FMO4: variants seen among roughly 807,000 people sequenced by gnomAD.
FMO4 encodes dimethylaniline monooxygenase [N-oxide-forming] 4.
A neutral mutation model predicts 43.3 loss-of-function variants in FMO4; 38 were observed. The ratio of observed to expected loss-of-function variants is 0.88; its 90% CI spans 0.68 to 1.15. The LOEUF is 1.15. Ranked by LOEUF, FMO4 falls within the 50% of genes most tolerant of loss-of-function variation. The probability of loss-of-function intolerance (pLI) is 0.00; values close to 1 mark genes in which losing one functional copy is unlikely to be tolerated. For missense variants in FMO4, 631 were observed against 663.3 expected (o/e 0.95, Z 0.54); for synonymous variants, 224 against 232.2 (o/e 0.96, Z 0.32).
At chr1:171,338,933 CTGAA>C (rs1216397527) in intron 9 of FMO4, among the ~76,000 whole-genome samples, 1 of 152,114 alleles carries the variant, frequency 6.6e-6, no homozygotes, top group Non-Finnish European at 1.5e-5. Flanking sequence ...TATTTACTCA[CTGAA>C]TGAATGAATG....
At position 171,340,598 on chromosome 1, in the gene FMO4, T is replaced by G. The variant is rs1055778146; in HGVS notation, c.1251-815T>G. On this transcript the variant is annotated intron_variant, in intron 9 of 9. Transcript: ENST00000367749. ...ATTTCCTGACTTGAGTGTTCCTTTTTAGATGTGAATTTTTATTTCTTTTTA... is the reference window on the plus strand; with the variant it reads ...ATTTCCTGACTTGAGTGTTCCTTTTGAGATGTGAATTTTTATTTCTTTTTA... 1.6e-4 allele frequency among the ~76,000 whole-genome samples: 24 copies of G among 152,186 alleles called. 1 individual carries two copies. Among genetic ancestry groups the G allele is most frequent in the Non-Finnish European group, 2.6e-4 (18 of 68,020 alleles).
rs1662958947 is a variant in FMO4 at position 171,332,810 on chromosome 1, T to C, written c.729T>C (p.Ile243=). ...TTACAAGAAGATGCTGTAGTTTTAT[T>C]GCACAAGTTCTGCCTTCACGTTTTC... ...MMVTRRCCSF[I]AQVLPSRFLN... The change falls in exon 7 of 10, where the codon ATT becomes ATC. Residue 243 remains isoleucine (I), a synonymous_variant. Coordinates refer to ENST00000367749, the MANE Select transcript of FMO4 (RefSeq NM_002022.3). The C allele has an allele frequency of 6.2e-7, 1 of 1,613,572 alleles. No individual in the cohort carries two copies. Among genetic ancestry groups the C allele is most frequent in the Non-Finnish European group, 8.5e-7 (1 of 1,179,560 alleles).
At chr1:171,325,816 CCTTTTTTTTTTTTTTTTTTTTTT>C (rs1662635438) in intron 5 of FMO4, among the ~76,000 whole-genome samples, 1 of 75,594 alleles carries the variant, frequency 1.3e-5, no homozygotes, top group African/African-American at 4.3e-5. Context: ...CATAGACTAT[CCTTTTTTTTTTTTTTTTTTTTTT>C]TTTTTTTTTT....
At chr1:171,337,728 AG>A (rs1287057793) in intron 9 of FMO4, among the ~76,000 whole-genome samples, 1 of 152,116 alleles carries the variant, frequency 6.6e-6, no homozygotes, top group Non-Finnish European at 1.5e-5. Context: ...CCTACCTCTC[AG>A]GCTGCTCTTT....
At chr1:171,323,329 C>T in intron 4 of FMO4, 137 bp downstream of exon 4, 2 of 623,160 alleles carry the variant, frequency 3.2e-6, no homozygotes, top group Non-Finnish European at 5.6e-6. Flanking sequence ...GGACTCCTCA[C>T]TTCCGCTGCT....
intron 2 of FMO4, among the ~76,000 whole-genome samples, chr1:171,318,577 A>C (rs973026273): frequency 1.3e-5 from 2 of 152,162 alleles, no homozygotes; most frequent in Non-Finnish European, 2.9e-5. Context: ...TCCTGGTTGA[A>C]CATCCCAAAT....
chr1:171,319,061 G>A (rs1014326991), intron 2 of FMO4, among the ~76,000 whole-genome samples: 1 of 152,202 alleles, frequency 6.6e-6, no homozygotes. Context: ...AGATTCAGGT[G>A]ACAGTCTTTT....
chr1:171,337,331 G>T lies in FMO4; in HGVS notation c.1181-25G>T, dbSNP rs74962957. 681 of 1,522,284 alleles carry T rather than the reference G, an allele frequency of 4.5e-4. 3 individuals carry two copies. In the East Asian group the frequency reaches 0.014, roughly 31 times the overall value. 94.3% of individuals were successfully genotyped at this position (1,522,284 alleles called of 1,614,324 possible). On this transcript the variant is annotated intron_variant, in intron 8 of 9. Transcript: ENST00000367749. ...AAAGGAAAAGCCACATGTGACTTTA[G>T]TGTTGTTTGTGATTTTTCCCACAGG...
intron 7 of FMO4, among the ~76,000 whole-genome samples, chr1:171,334,074 TGA>T (rs1471106912): frequency 3.9e-5 from 6 of 152,208 alleles, no homozygotes; most frequent in African/African-American, 1.4e-4. Context: ...CTAAGTAATT[TGA>T]GACCCAAAAT....
chr1:171,338,854 G>C (rs1175744038), intron 9 of FMO4, among the ~76,000 whole-genome samples: 1 of 151,972 alleles, frequency 6.6e-6, no homozygotes, highest in East Asian at 1.9e-4. Context: ...ACTTTGTTTT[G>C]TTCACTATTG....
Position 171,331,572 on chromosome 1 carries a change from C to G in FMO4, c.485-68C>G, listed in dbSNP as rs1662900527. ...TGGGACTTCCCTTTTTCCACAGACCCTATCCCTGCGTAGTGAGAAATTATA... is the reference window on the plus strand; with the variant it reads ...TGGGACTTCCCTTTTTCCACAGACCGTATCCCTGCGTAGTGAGAAATTATA... On this transcript the variant is annotated intron_variant, in intron 5 of 9. Coordinates refer to ENST00000367749, the MANE Select transcript of FMO4 (RefSeq NM_002022.3). The G allele has an allele frequency of 9.4e-6, 14 of 1,490,156 alleles. No individual in the cohort carries two copies. In the Admixed American group the frequency reaches 2.4e-4, roughly 25 times the overall value. The allele number at this position is 1,490,156 out of a possible 1,614,324, so 92.3% of individuals were successfully genotyped here. A position where few individuals can be genotyped will look rare whatever the true frequency, so the allele number is the denominator to read the frequency against.
At chr1:171,320,065 C>G in intron 3 of FMO4, 108 bp downstream of exon 3, 1 of 1,170,482 alleles carries the variant, frequency 8.5e-7, no homozygotes. Context: ...TGGCTTACTG[C>G]AACGGCACAA....
At position 171,322,189 on chromosome 1, in the gene FMO4, T is replaced by A. The variant is rs540272630; in HGVS notation, c.133-815T>A. ...GGTTGAGAGGATGTTTTGTTTTGTT[T>A]TTAAAATTAGAGTATTTTGTGCTGA... On this transcript the variant is annotated intron_variant, in intron 3 of 9. Transcript: ENST00000367749. Among the ~76,000 whole-genome samples the A allele has an allele frequency of 8.9e-4, 135 of 152,286 alleles. 1 individual carries two copies. The highest frequency in any genetic ancestry group is 3.1e-3 in the African/African-American group (128 of 41,560).
At chr1:171,337,101 T>C (rs1320849551) in intron 8 of FMO4, among the ~76,000 whole-genome samples, 1 of 151,832 alleles carries the variant, frequency 6.6e-6, no homozygotes, top group African/African-American at 2.4e-5. Flanking sequence ...GTCTGGTGAG[T>C]GTGGCGCAGG....
intron 8 of FMO4, among the ~76,000 whole-genome samples, chr1:171,336,665 G>A (rs1484801871): frequency 2.0e-5 from 3 of 152,044 alleles, no homozygotes; most frequent in Admixed American, 6.6e-5. Flanking sequence ...GTGCAGTGGC[G>A]TGATCATGGC....
chr1:171,333,664 T>G (rs2101900442), intron 7 of FMO4, among the ~76,000 whole-genome samples: 1 of 152,306 alleles, frequency 6.6e-6, no homozygotes, highest in South Asian at 2.1e-4. Context: ...AAGATATCTT[T>G]TTTTGTTTTG....
chr1:171,334,669 A>C lies in FMO4; in HGVS notation c.1086A>C (p.Arg362Ser). 1 of 1,613,838 alleles carries C rather than the reference A, an allele frequency of 6.2e-7. No individual in the cohort carries two copies. The change falls in exon 8 of 10, where the codon AGA becomes AGC. Residue 362 changes from arginine (R) to serine (S), a missense_variant. Transcript: ENST00000367749. ...YKQVFPLNLE[R>S]ATLAIIGLIG... ...AAGTCTTTCCCTTAAACCTAGAGAG[A>C]GCGACATTAGCCATCATCGGCCTTA... is the stretch of plus-strand genomic sequence containing the variant.
At chr1:171,340,475 T>C (rs1296275729) in intron 9 of FMO4, among the ~76,000 whole-genome samples, 1 of 152,188 alleles carries the variant, frequency 6.6e-6, no homozygotes, top group African/African-American at 2.4e-5. Flanking sequence ...TCACTGTCTA[T>C]TGTCATAGGG....
At position 171,341,531 on chromosome 1, in the gene FMO4, C is replaced by T; in HGVS notation, c.1369C>T (p.Leu457=). 1 of 1,614,074 alleles carries T rather than the reference C, an allele frequency of 6.2e-7. No homozygotes were observed. The highest frequency in any genetic ancestry group is 8.5e-7 in the Non-Finnish European group (1 of 1,179,974). The change falls in exon 10 of 10, where the codon CTA becomes TTA. Residue 457 remains leucine (L), a synonymous_variant. Transcript: ENST00000367749. The part of the protein sequence containing the change: ...IPLLFLKDPR[L]AWEVFFGPCT... ...ACTTCTGTTCCTCAAGGATCCCAGA[C>T]TAGCTTGGGAAGTTTTCTTTGGACC... is the stretch of plus-strand genomic sequence containing the variant.
Sources: allele counts gnomAD v4.1 joint callset (sites outside exome capture counted in the v4.1 genomes callset), GRCh38; gene constraint gnomAD v4.1.1; transcripts MANE v1.5; gene names NCBI Gene and HGNC (gene_info 2026-07-23, HGNC 2026-07-21).